The following SPTY2D1 variants were observed in gnomAD, a reference collection of about 807,000 sequenced individuals.
SPTY2D1 encodes the protein SPT2 chromatin protein domain containing 1.
In SPTY2D1, 21 loss-of-function variants were observed where a neutral mutation model predicts 64.0. The ratio of observed to expected loss-of-function variants is 0.33; its 90% confidence interval spans 0.23 to 0.47. The LOEUF (loss-of-function observed/expected upper bound fraction) is 0.47. Among genes scored for constraint, SPTY2D1 ranks in the 20% least tolerant of loss-of-function variants. The probability of loss-of-function intolerance (pLI) is 1.00; values close to 1 mark genes in which losing one functional copy is unlikely to be tolerated. For missense variants in SPTY2D1, 724 were observed against 837.2 expected (o/e 0.86, Z 1.67); for synonymous variants, 287 against 286.8 (o/e 1.00, Z -0.01).
intron 1 of SPTY2D1, among the ~76,000 whole-genome samples, chr11:18,626,009 C>G (rs757529927): frequency 2.6e-5 from 4 of 151,956 alleles, no homozygotes; most frequent in Non-Finnish European, 4.4e-5. Flanking sequence ...TTAGTAGAGA[C>G]AGGTTTCACC....
In SPTY2D1 at chr11:18,615,264, ACAG is replaced by A. The variant is rs1854278163; in HGVS notation, c.1007_1009del (p.Ala336del). The A allele has an allele frequency of 6.2e-7, 1 of 1,614,088 alleles. No homozygotes were observed. The highest frequency in any genetic ancestry group is 1.7e-5 in the Admixed American group (1 of 60,000). On this transcript the variant is annotated inframe_deletion, in exon 3 of 6. Transcript: ENST00000336349. The stretch of plus-strand genomic sequence containing the variant: ...CAGAGATTTTTTGGCTTTGTGCTCA[ACAG>A]CAGATTTCTGAGTCCTGCTAGCAGA...
At chr11:18,618,461 A>G (rs1854337692) in intron 1 of SPTY2D1, among the ~76,000 whole-genome samples, 1 of 152,250 alleles carries the variant, frequency 6.6e-6, no homozygotes, top group Non-Finnish European at 1.5e-5. Context: ...TTTCCACTTT[A>G]TAAGTACCTA....
chr11:18,618,004 T>C (rs370078272), intron 1 of SPTY2D1, among the ~76,000 whole-genome samples: 1 of 152,294 alleles, frequency 6.6e-6, no homozygotes, highest in East Asian at 1.9e-4. Context: ...AGTTTAAAAA[T>C]AGCCTGCCTT....
chr11:18,614,997 C>T lies in SPTY2D1; in HGVS notation c.1277G>A (p.Arg426Lys). 1.2e-6 allele frequency: 2 copies of T among 1,614,168 alleles called. No homozygotes were observed. Among genetic ancestry groups the T allele is most frequent in the Admixed American group, 1.7e-5 (1 of 60,026 alleles). Residue 426 changes from arginine to lysine, a missense_variant, in exon 3 of 6, where the codon AGG (arginine) becomes AAG (lysine). Coordinates refer to ENST00000336349, the MANE Select transcript of SPTY2D1 (RefSeq NM_194285.3). ...KKPTNDSNPSRRTVSGTCGPG... is the reference protein window; with the variant it reads ...KKPTNDSNPSKRTVSGTCGPG... ...GCCACATGTACCACTGACTGTCCGC[C>T]TAGAGGGATTTGAGTCATTGGTTGG...
intron 1 of SPTY2D1, among the ~76,000 whole-genome samples, chr11:18,620,748 G>A (rs1420387459): frequency 2.6e-5 from 4 of 151,638 alleles, no homozygotes; most frequent in African/African-American, 9.7e-5. Context: ...TTAGCCAAGC[G>A]TGGTGGTGGG....
At chr11:18,610,064 C>T in intron 5 of SPTY2D1, 110 bp from the exon 6 acceptor site, 2 of 899,804 alleles carry the variant, frequency 2.2e-6, no homozygotes, top group Non-Finnish European at 3.4e-6. Context: ...CTGATGCTCT[C>T]AAAATGCCTC....
In SPTY2D1 at chr11:18,615,396, C is replaced by A. The variant is rs1854281551; in HGVS notation, c.878G>T (p.Gly293Val). 8 of 1,614,218 alleles carry A rather than the reference C, an allele frequency of 5.0e-6. No individual in the cohort carries two copies. The highest frequency in any genetic ancestry group is 1.1e-5 in the South Asian group (1 of 91,084). Reference protein sequence around the residue: ...MPGERIKAGSGNSSQPSLREG... With the variant: ...MPGERIKAGSVNSSQPSLREG... ...ACGAAGTGAGGGTTGGGAGCTATTG[C>A]CAGATCCTGCCTTGATCCTCTCTCC... Residue 293 changes from glycine (G) to valine (V), a missense_variant, in exon 3 of 6, where the codon GGC becomes GTC. Gly to Val is a moderately radical substitution (Grantham distance 109). Coordinates refer to ENST00000336349, the MANE Select transcript of SPTY2D1 (RefSeq NM_194285.3).
At chr11:18,613,449 T>G (rs2134109540) in intron 3 of SPTY2D1, among the ~76,000 whole-genome samples, 1 of 152,358 alleles carries the variant, frequency 6.6e-6, no homozygotes, top group East Asian at 1.9e-4. Context: ...TTTCTCAACC[T>G]TAGCTCAATG....
chr11:18,612,082 A>G lies in SPTY2D1; in HGVS notation c.1886+232T>C. 2.9e-6 allele frequency: 1 copy of G among 349,932 alleles called. No homozygotes were observed. The highest frequency in any genetic ancestry group is 5.0e-6 in the Non-Finnish European group (1 of 198,530). The allele number at this position is 349,932 out of a possible 1,614,324, so 21.7% of individuals were successfully genotyped here. A position where few individuals can be genotyped will look rare whatever the true frequency, so the allele number is the denominator to read the frequency against. On this transcript the variant is annotated intron_variant, in intron 4 of 5. Transcript: ENST00000336349. The surrounding 1 kb of genome is among the most constrained non-coding windows in gnomAD (Gnocchi z 4.6). The stretch of plus-strand genomic sequence containing the variant: ...TAAATATATATCTTATAAGAATAAC[A>G]ATTTAAAAGGGTTATTTTTTGTTCC...
chr11:18,607,391 T>C lies in SPTY2D1; in HGVS notation c.*2470A>G, dbSNP rs1854126506. ...AGCCATGAGTTTTATGAAAACTACT[T>C]TCCTTTCACATCATTTGTTAGAGAA... On this transcript the variant is annotated 3_prime_UTR_variant, in exon 6 of 6. Coordinates refer to ENST00000336349, the MANE Select transcript of SPTY2D1 (RefSeq NM_194285.3). The C allele has an allele frequency of 6.6e-6, 1 of 152,596 alleles. No individual in the cohort carries two copies. Among genetic ancestry groups the C allele is most frequent in the Admixed American group, 6.6e-5 (1 of 15,266 alleles). 9.5% of individuals were successfully genotyped at this position (152,596 alleles called of 1,614,324 possible). A position where few individuals can be genotyped will look rare whatever the true frequency, so the allele number is the denominator to read the frequency against.
At chr11:18,618,731 C>T (rs570882232) in intron 1 of SPTY2D1, among the ~76,000 whole-genome samples, 1 of 152,310 alleles carries the variant, frequency 6.6e-6, no homozygotes, top group South Asian at 2.1e-4. Context: ...GTATGAAATT[C>T]TTGGAGGAAA....
At chr11:18,613,843 G>A (rs1290228167) in intron 3 of SPTY2D1, among the ~76,000 whole-genome samples, 3 of 152,066 alleles carry the variant, frequency 2.0e-5, no homozygotes, top group African/African-American at 7.2e-5. Context: ...ATTATAACAA[G>A]CAGAAACACA....
rs1429479780 is a variant in SPTY2D1 at position 18,612,966 on chromosome 11, G to A, written c.1712-478C>T. ...TTTAGTAGAGATGGGGTTTCTCCACGTTGGTCAGGCTGGTCTCGAACTCCC... is the reference window on the plus strand; with the variant it reads ...TTTAGTAGAGATGGGGTTTCTCCACATTGGTCAGGCTGGTCTCGAACTCCC... On this transcript the variant is annotated intron_variant, in intron 3 of 5. Transcript: ENST00000336349. This position sits in a 1 kb window ranked among gnomAD's most constrained non-coding sequence, Gnocchi z 4.6. Among the ~76,000 whole-genome samples, 5 of 152,098 alleles carry A rather than the reference G, an allele frequency of 3.3e-5. No individual in the cohort carries two copies. Among genetic ancestry groups the A allele is most frequent in the South Asian group, 2.1e-4 (1 of 4,828 alleles).
intron 3 of SPTY2D1, among the ~76,000 whole-genome samples, chr11:18,613,921 G>C (rs1212278479): frequency 1.3e-5 from 2 of 152,154 alleles, no homozygotes; most frequent in African/African-American, 4.8e-5. Context: ...ATAAGCTTCC[G>C]ATTATACCCT....
chr11:18,621,373 A>AAGAAAAGAAG (rs1854401410), intron 1 of SPTY2D1, among the ~76,000 whole-genome samples: 2 of 150,540 alleles, frequency 1.3e-5, no homozygotes. Context: ...AAGAAAAGAA[A>AAGAAAAGAAG]AGAAACACTG....
At chr11:18,616,536 C>G (rs1011800049) in intron 2 of SPTY2D1, among the ~76,000 whole-genome samples, 1 of 151,956 alleles carries the variant, frequency 6.6e-6, no homozygotes, top group Non-Finnish European at 1.5e-5. Flanking sequence ...AATTAAAATA[C>G]AAAATGGGTA....
intron 1 of SPTY2D1, among the ~76,000 whole-genome samples, chr11:18,629,892 C>T (rs557883335): frequency 1.3e-5 from 2 of 152,282 alleles, no homozygotes; most frequent in South Asian, 4.1e-4. Context: ...AAAGCTCTGC[C>T]GGGCACGGTG....
At chr11:18,629,410 A>C (rs1472308122) in intron 1 of SPTY2D1, among the ~76,000 whole-genome samples, 9 of 152,148 alleles carry the variant, frequency 5.9e-5, no homozygotes, top group Non-Finnish European at 1.0e-4. Context: ...AGGCTGAGGC[A>C]GGAGAATCGC....
chr11:18,611,406 G>A (rs2134108504), intron 5 of SPTY2D1, 71 bp downstream of exon 5: 1 of 1,374,840 alleles, frequency 7.3e-7, no homozygotes, highest in Non-Finnish European at 1.0e-6. Flanking sequence ...TCCCAATGGT[G>A]CAATTGTAGC....
Sources: allele counts gnomAD v4.1 joint callset (sites outside exome capture counted in the v4.1 genomes callset), GRCh38; gene constraint gnomAD v4.1.1; non-coding constraint Gnocchi (gnomAD v3.1); transcripts MANE v1.5; gene names NCBI Gene and HGNC (gene_info 2026-07-23, HGNC 2026-07-21).